NOL4: variants seen among roughly 807,000 people sequenced by gnomAD.
NOL4 encodes nucleolar protein 4.
In NOL4, 17 loss-of-function variants were observed where a neutral mutation model predicts 75.9. That is an observed-to-expected ratio of 0.22 (90% CI 0.15 to 0.34). NOL4 has a LOEUF of 0.34. Ranked by LOEUF, NOL4 falls within the 10% of genes least tolerant of loss-of-function variation. NOL4 has a pLI of 1.00. For synonymous variants in NOL4, 292 were observed against 289.9 expected, an observed-to-expected ratio of 1.01 and a Z score of -0.07; for missense variants, 614 against 793.5, an observed-to-expected ratio of 0.77 and a Z score of 2.72.
chr18:33,928,342 T>C (rs544243326), intron 9 of NOL4, among the ~76,000 whole-genome samples: 6 of 152,204 alleles, frequency 3.9e-5, no homozygotes, highest in Non-Finnish European at 7.3e-5. Context: ...ACCAAAGATG[T>C]ATCTCAAAAA....
intron 5 of NOL4, among the ~76,000 whole-genome samples, chr18:34,075,826 A>G (rs1167653261): frequency 2.6e-5 from 4 of 152,130 alleles, no homozygotes; most frequent in African/African-American, 7.2e-5. Flanking sequence ...AGTGCATTTG[A>G]ATTTTTGTAT....
chr18:33,900,991 T>C (rs2065716016), intron 9 of NOL4, among the ~76,000 whole-genome samples: 1 of 152,204 alleles, frequency 6.6e-6, no homozygotes, highest in Non-Finnish European at 1.5e-5. Context: ...AATGAGTACT[T>C]GTACATTAAA....
chr18:34,134,743 G>T (rs1373085834), intron 1 of NOL4, among the ~76,000 whole-genome samples: 1 of 152,008 alleles, frequency 6.6e-6, no homozygotes, highest in Non-Finnish European at 1.5e-5. Flanking sequence ...AAATTTAAGG[G>T]ATTGAAAATA....
chr18:34,014,500 T>C (rs1600252908), intron 6 of NOL4, among the ~76,000 whole-genome samples: 1 of 152,016 alleles, frequency 6.6e-6, no homozygotes, highest in Admixed American at 6.6e-5. Context: ...AATAATACAG[T>C]GTTTTTAAGT....
chr18:34,096,564 TTAAG>T (rs1600571508), intron 4 of NOL4, among the ~76,000 whole-genome samples: 1 of 152,142 alleles, frequency 6.6e-6, no homozygotes, highest in Non-Finnish European at 1.5e-5. Context: ...TGATCTGATA[TTAAG>T]TATTTTATTC....
At chr18:34,158,822 T>G (rs1164898123) in intron 1 of NOL4, among the ~76,000 whole-genome samples, 1 of 152,208 alleles carries the variant, frequency 6.6e-6, no homozygotes, top group Non-Finnish European at 1.5e-5. Flanking sequence ...ACCAGCTGTC[T>G]GCTAATAGAA....
At chr18:33,904,755 C>T (rs1391675633) in intron 9 of NOL4, among the ~76,000 whole-genome samples, 1 of 152,116 alleles carries the variant, frequency 6.6e-6, no homozygotes, top group Admixed American at 6.6e-5. Flanking sequence ...ATAGGAGTCC[C>T]AGTACAATTG....
intron 5 of NOL4, among the ~76,000 whole-genome samples, chr18:34,036,011 A>G (rs987652730): frequency 3.3e-5 from 5 of 152,158 alleles, no homozygotes; most frequent in Non-Finnish European, 7.4e-5. Flanking sequence ...AAAGACCAGG[A>G]CCAGATAAAT....
chr18:34,168,151 T>C (rs1480447220), intron 1 of NOL4, among the ~76,000 whole-genome samples: 1 of 151,696 alleles, frequency 6.6e-6, no homozygotes, highest in African/African-American at 2.4e-5. Context: ...ATAATTATTT[T>C]AAAATCTACA....
At chr18:34,187,951 G>A (rs2146379083) in intron 1 of NOL4, among the ~76,000 whole-genome samples, 1 of 152,262 alleles carries the variant, frequency 6.6e-6, no homozygotes, top group South Asian at 2.1e-4. Flanking sequence ...ATGAATGAGA[G>A]TTGTATTGCT....
intron 6 of NOL4, 110 bp from the exon 7 acceptor site, chr18:33,958,528 A>T (rs1159870024): frequency 2.3e-6 from 2 of 885,338 alleles, no homozygotes; most frequent in South Asian, 2.1e-5. Context: ...TTATGAGTTG[A>T]TAACTCTAGA....
At chr18:34,195,020 C>A (rs2035224912) in intron 1 of NOL4, among the ~76,000 whole-genome samples, 2 of 143,936 alleles carry the variant, frequency 1.4e-5, no homozygotes. Flanking sequence ...AAGAGCGAAA[C>A]TCCGTCTCAA....
intron 10 of NOL4, among the ~76,000 whole-genome samples, chr18:33,864,405 G>T (rs1044855800): frequency 6.6e-6 from 1 of 152,140 alleles, no homozygotes. Flanking sequence ...AAGTTCCACA[G>T]ATCTAGGGCA....
In NOL4 at chr18:33,958,305, G is replaced by A. The variant is rs1253792175; in HGVS notation, c.1170C>T (p.Asp390=). The part of the protein sequence containing the change: ...RGDEDEDDHE[D]HDDSEKVNET... ...CATTAACTTTCTCCGAATCGTCATG[G>A]TCCTCGTGGTCATCTTCGTCCTCAT... Residue 390 remains aspartate, a synonymous_variant, in exon 7 of 11, where the codon GAC becomes GAT. Coordinates refer to ENST00000261592, the MANE Select transcript of NOL4 (RefSeq NM_003787.5). The A allele has an allele frequency of 6.2e-7, 1 of 1,613,608 alleles. No individual in the cohort carries two copies. Among genetic ancestry groups the A allele is most frequent in the African/African-American group, 1.3e-5 (1 of 74,886 alleles).
chr18:33,944,415 T>C (rs545604966), intron 8 of NOL4, among the ~76,000 whole-genome samples: 2 of 151,964 alleles, frequency 1.3e-5, no homozygotes, highest in East Asian at 1.9e-4. Flanking sequence ...ATAGTTAAAT[T>C]TGTACAGTGT....
Position 34,066,782 on chromosome 18 carries a change from A to G in NOL4, c.772+26683T>C, listed in dbSNP as rs1273138176. ...CAAGAAAATTGTGTTGGCTTTTTCTATTCTATCTCTAACAATAATTCCAAA... is the reference window on the plus strand; with the variant it reads ...CAAGAAAATTGTGTTGGCTTTTTCTGTTCTATCTCTAACAATAATTCCAAA... On this transcript the variant is annotated intron_variant, in intron 5 of 10. Coordinates refer to ENST00000261592, the MANE Select transcript of NOL4 (RefSeq NM_003787.5). Among the ~76,000 whole-genome samples, 8 of 151,710 alleles carry G rather than the reference A, an allele frequency of 5.3e-5. No individual in the cohort carries two copies. The East Asian group carries it at 1.4e-3, about 26-fold the overall frequency.
At chr18:34,031,233 G>C (rs571346377) in intron 5 of NOL4, among the ~76,000 whole-genome samples, 64 of 152,254 alleles carry the variant, frequency 4.2e-4, no homozygotes, top group African/African-American at 1.5e-3. Flanking sequence ...TGTATCTAGC[G>C]CAGTGCTAGT....
intron 1 of NOL4, among the ~76,000 whole-genome samples, chr18:34,150,566 A>G (rs1407252589): frequency 6.6e-6 from 1 of 151,768 alleles, no homozygotes; most frequent in Non-Finnish European, 1.5e-5. Context: ...CAGAACTTAC[A>G]TTGTTCAAAA....
intron 5 of NOL4, among the ~76,000 whole-genome samples, chr18:34,033,871 G>T (rs1233174306): frequency 6.6e-6 from 1 of 151,970 alleles, no homozygotes; most frequent in Non-Finnish European, 1.5e-5. Flanking sequence ...TTATGGGCCA[G>T]TAGAGAATAG....
Sources: gnomAD v4.1 joint callset for allele counts (sites outside exome capture counted in the v4.1 genomes callset) on GRCh38, gnomAD v4.1.1 for gene constraint, MANE v1.5 for transcripts, NCBI Gene and HGNC (gene_info 2026-07-23, HGNC 2026-07-21) for gene names.